OR2Z1: variants seen among roughly 807,000 people sequenced by gnomAD.
OR2Z1 encodes the protein olfactory receptor family 2 subfamily Z member 1, also known as olfactory receptor 2Z1.
For synonymous variants in OR2Z1, 188 were observed against 160.6 expected (o/e 1.17, Z -1.29); for missense variants, 449 against 401.8 (o/e 1.12, Z -1.00).
intron 2 of OR2Z1, chr19:8,729,220 C>A: frequency 1.5e-6 from 1 of 688,938 alleles, no homozygotes; most frequent in Non-Finnish European, 2.5e-6. Context: ...GAAAAGGGCC[C>A]AATAGGTAGT....
intron 2 of OR2Z1, among the ~76,000 whole-genome samples, chr19:8,730,244 C>T (rs113283555): frequency 3.3e-4 from 50 of 152,248 alleles, no homozygotes; most frequent in African/African-American, 4.1e-4. Flanking sequence ...TTCTCATCCA[C>T]GCATTTAGAC....
chr19:8,724,156 C>A (rs1354598904), intron 2 of OR2Z1, among the ~76,000 whole-genome samples: 1 of 152,038 alleles, frequency 6.6e-6, no homozygotes, highest in Non-Finnish European at 1.5e-5. Flanking sequence ...GCTGGTTCAT[C>A]CTGGACAAGG....
At position 8,731,965 on chromosome 19, in the gene OR2Z1, A is replaced by G. The variant is rs781828682; in HGVS notation, c.937A>G (p.Met313Val). The change falls in exon 3 of 3, where the codon ATG (methionine) becomes GTG (valine). Residue 313 changes from methionine to valine, a missense_variant. Physicochemically the swap from Met to Val is conservative, Grantham distance 21. Transcript: ENST00000641125. The stretch of plus-strand genomic sequence containing the variant: ...GCTTAGCAGAGCTGGACTCAGGCAA[A>G]TGTGCTGACTACATAGAAACTGCTG... ...KVLSRAGLRQ[M>V]C The G allele has an allele frequency of 1.2e-6, 2 of 1,611,998 alleles. No homozygotes were observed. Among genetic ancestry groups the G allele is most frequent in the South Asian group, 2.2e-5 (2 of 90,928 alleles).
rs782557391 is a variant in OR2Z1, at chr19:8,732,001, A to G, written c.*28A>G. On this transcript the variant is annotated 3_prime_UTR_variant, in exon 3 of 3. Coordinates refer to ENST00000641125, the MANE Select transcript of OR2Z1 (RefSeq NM_001004699.3). ...ACATAGAAACTGCTGGTGAGATTCCAGCGGTCCTCGATCCCACCCACCTTC... is the reference window on the plus strand; with the variant it reads ...ACATAGAAACTGCTGGTGAGATTCCGGCGGTCCTCGATCCCACCCACCTTC... 1 of 1,551,134 alleles carries G rather than the reference A, an allele frequency of 6.4e-7. No individual in the cohort carries two copies. The highest frequency in any genetic ancestry group is 2.3e-5 in the East Asian group (1 of 44,346).
intron 2 of OR2Z1, chr19:8,728,841 G>T (rs1462786129): frequency 7.8e-5 from 50 of 638,694 alleles, no homozygotes; most frequent in Non-Finnish European, 1.1e-4. Context: ...GTTGACCTTG[G>T]CCACATCCAT....
At chr19:8,729,277 C>T in intron 2 of OR2Z1, 1 of 576,176 alleles carries the variant, frequency 1.7e-6, no homozygotes, top group South Asian at 1.8e-5. Flanking sequence ...CTGCTGTTCC[C>T]CTATTTATAT....
chr19:8,731,646 C>G lies in OR2Z1; in HGVS notation c.618C>G (p.Ile206Met), dbSNP rs200323030. The change falls in exon 3 of 3, where the codon ATC (isoleucine) becomes ATG (methionine). Residue 206 changes from isoleucine to methionine, a missense_variant. Transcript: ENST00000641125. ...EMALSTSGVL[I>M]LMLPLSLIAT... Reference sequence around the variant, plus strand: ...CGCTGTCCACCTCAGGGGTGCTGATCCTAATGCTCCCTCTTTCCCTCATCG... The same window carrying G: ...CGCTGTCCACCTCAGGGGTGCTGATGCTAATGCTCCCTCTTTCCCTCATCG... 5 of 1,614,064 alleles carry G rather than the reference C, an allele frequency of 3.1e-6. No homozygotes were observed. In the Admixed American group the frequency reaches 8.3e-5, roughly 27 times the overall value.
At chr19:8,726,167 G>A (rs1034680600) in intron 2 of OR2Z1, among the ~76,000 whole-genome samples, 3 of 152,068 alleles carry the variant, frequency 2.0e-5, no homozygotes, top group Non-Finnish European at 1.5e-5. Flanking sequence ...GGGTTTCACC[G>A]TGTTGACCAG....
chr19:8,728,833 T>C lies in OR2Z1; in HGVS notation c.-169-2027T>C, dbSNP rs187145605. The stretch of plus-strand genomic sequence containing the variant: ...TCTTCATCAGGCTGAATCAGGGTGT[T>C]GACCTTGGCCACATCCATGTCATAG... On this transcript the variant is annotated intron_variant, in intron 2 of 2. Coordinates refer to ENST00000641125, the MANE Select transcript of OR2Z1 (RefSeq NM_001004699.3). 1.4e-3 allele frequency: 905 copies of C among 638,144 alleles called. 4 individuals carry two copies. Among genetic ancestry groups the C allele is most frequent in the Non-Finnish European group, 1.9e-3 (647 of 337,942 alleles). The allele number at this position is 638,144 out of a possible 1,614,324, so 39.5% of individuals were successfully genotyped here.
At chr19:8,729,836 C>T (rs184176176) in intron 2 of OR2Z1, among the ~76,000 whole-genome samples, 7 of 152,040 alleles carry the variant, frequency 4.6e-5, no homozygotes, top group Admixed American at 1.3e-4. Flanking sequence ...GTGATCCACC[C>T]GCCTCGGCCT....
intron 2 of OR2Z1, among the ~76,000 whole-genome samples, chr19:8,726,253 T>C (rs1199252768): frequency 1.3e-5 from 2 of 151,952 alleles, no homozygotes; most frequent in Non-Finnish European, 2.9e-5. Context: ...TTGTGAGCCA[T>C]CATGCCTGGC....
At chr19:8,730,326 A>G (rs1290331781) in intron 2 of OR2Z1, among the ~76,000 whole-genome samples, 2 of 152,002 alleles carry the variant, frequency 1.3e-5, no homozygotes, top group African/African-American at 4.8e-5. Flanking sequence ...TTCACCTCCC[A>G]GCCCTTTTGG....
rs1555756906 is a variant in OR2Z1 at position 8,732,008 on chromosome 19, C to T, written c.*35C>T. 3 of 1,490,678 alleles carry T rather than the reference C, an allele frequency of 2.0e-6. No individual in the cohort carries two copies. The highest frequency in any genetic ancestry group is 3.6e-5 in the Admixed American group (2 of 55,466). The allele number at this position is 1,490,678 out of a possible 1,614,324, so 92.3% of individuals were successfully genotyped here. A position where few individuals can be genotyped will look rare whatever the true frequency, so the allele number is the denominator to read the frequency against. ...AACTGCTGGTGAGATTCCAGCGGTC[C>T]TCGATCCCACCCACCTTCCCAAAGT... is the stretch of plus-strand genomic sequence containing the variant. On this transcript the variant is annotated 3_prime_UTR_variant, in exon 3 of 3. Transcript: ENST00000641125.
intron 2 of OR2Z1, among the ~76,000 whole-genome samples, chr19:8,729,637 C>A (rs1399085349): frequency 1.3e-5 from 2 of 151,738 alleles, no homozygotes; most frequent in African/African-American, 4.8e-5. Flanking sequence ...GTTGCCCAGG[C>A]CAGAGTGCAA....
At chr19:8,730,373 G>T (rs1555756587) in intron 2 of OR2Z1, among the ~76,000 whole-genome samples, 1 of 152,074 alleles carries the variant, frequency 6.6e-6, no homozygotes, top group African/African-American at 2.4e-5. Context: ...CCCCTGGGAT[G>T]AGGGGTATTG....
At chr19:8,725,377 G>C (rs1214293201) in intron 2 of OR2Z1, among the ~76,000 whole-genome samples, 1 of 152,038 alleles carries the variant, frequency 6.6e-6, no homozygotes, top group African/African-American at 2.4e-5. Context: ...TGAGTAGCTG[G>C]GATTACAGGT....
chr19:8,732,086 T>C lies in OR2Z1; in HGVS notation c.*113T>C, dbSNP rs1169421623. The C allele has an allele frequency of 2.5e-6, 2 of 787,368 alleles. No individual in the cohort carries two copies. Among genetic ancestry groups the C allele is most frequent in the African/African-American group, 1.7e-5 (1 of 57,832 alleles). The allele number at this position is 787,368 out of a possible 1,614,324, so 48.8% of individuals were successfully genotyped here. On this transcript the variant is annotated 3_prime_UTR_variant, in exon 3 of 3. Coordinates refer to ENST00000641125, the MANE Select transcript of OR2Z1 (RefSeq NM_001004699.3). ...GTGCAACTGGCCAAATATCCAGCCA[T>C]TGCCCAAGGTGCAACTTTTTGAGAA... is the stretch of plus-strand genomic sequence containing the variant.
chr19:8,731,356 G>A lies in OR2Z1; in HGVS notation c.328G>A (p.Ala110Thr), dbSNP rs1555756732. ...ATTCTTCCTCACACTGATGGGTGTG[G>A]CTGAGGGCGTCCTGTTGGTCCTCAT... ...QIFFLTLMGV[A>T]EGVLLVLMSY... The change falls in exon 3 of 3, where the codon GCT becomes ACT. Residue 110 changes from alanine (A) to threonine (T), a missense_variant. Physicochemically the swap from Ala to Thr is moderately conservative, Grantham distance 58. Coordinates refer to ENST00000641125, the MANE Select transcript of OR2Z1 (RefSeq NM_001004699.3). The A allele has an allele frequency of 6.2e-7, 1 of 1,614,088 alleles. No individual in the cohort carries two copies. The highest frequency in any genetic ancestry group is 8.5e-7 in the Non-Finnish European group (1 of 1,180,016).
Position 8,731,212 on chromosome 19 carries a change from C to T in OR2Z1, c.184C>T (p.Leu62=). 2 of 1,614,110 alleles carry T rather than the reference C, an allele frequency of 1.2e-6. No homozygotes were observed. The highest frequency in any genetic ancestry group is 1.7e-6 in the Non-Finnish European group (2 of 1,180,018). ...DSRLHTPMYF[L]LSQLSLFDIG... Reference sequence around the variant, plus strand: ...CCGGCTCCACACACCCATGTACTTCCTGCTCAGCCAGCTCTCCCTGTTTGA... The same window carrying T: ...CCGGCTCCACACACCCATGTACTTCTTGCTCAGCCAGCTCTCCCTGTTTGA... Residue 62 remains leucine (L), a synonymous_variant, in exon 3 of 3, where the codon CTG becomes TTG. Transcript: ENST00000641125.
Sources: gnomAD v4.1 joint callset for allele counts (sites outside exome capture counted in the v4.1 genomes callset) on GRCh38, gnomAD v4.1.1 for gene constraint, MANE v1.5 for transcripts, NCBI Gene and HGNC (gene_info 2026-07-23, HGNC 2026-07-21) for gene names.